The following LARP1 variants were observed in gnomAD, a reference collection of about 807,000 sequenced individuals.
LARP1 encodes La ribonucleoprotein 1, translational regulator, also known as la-related protein 1.
Under a neutral mutation model 122.7 loss-of-function variants are expected in LARP1, and 36 were observed. The observed-to-expected ratio is 0.29, with a 90% confidence interval of 0.22 to 0.39. The LOEUF (loss-of-function observed/expected upper bound fraction) is 0.39. Ranked by LOEUF, LARP1 falls within the 10% of genes least tolerant of loss-of-function variation. LARP1 has a pLI of 1.00. For missense variants in LARP1, 1,040 were observed against 1,403.6 expected, an observed-to-expected ratio of 0.74 and a Z score of 4.14; for synonymous variants, 539 against 528.7, an observed-to-expected ratio of 1.02 and a Z score of -0.27.
At chr5:154,682,990 C>T (rs1753764344) in exon 1 of LARP1, among the ~76,000 whole-genome samples, 3 of 152,358 alleles carry the variant, frequency 2.0e-5, no homozygotes, top group South Asian at 4.1e-4. Flanking sequence ...GAGGCTGAGT[C>T]ATCGCTGCTG....
chr5:154,713,282 C>T, intron 1 of LARP1: 1 of 630,942 alleles, frequency 1.6e-6, no homozygotes, highest in Non-Finnish European at 2.8e-6. Context: ...CCTCACATTC[C>T]CCATCTGGGA....
Position 154,805,923 on chromosome 5 carries a change from C to T in LARP1, c.2589C>T (p.Gly863=), listed in dbSNP as rs763936467. Residue 863 remains glycine (G), a synonymous_variant, in exon 15 of 19, where the codon GGC becomes GGT. Coordinates refer to ENST00000518297, the MANE Select transcript of LARP1 (RefSeq NM_033551.3). ...SEGTPTVGSY[G]CTPQSLPKFQ... The stretch of plus-strand genomic sequence containing the variant: ...GGACGCCTACAGTTGGCAGCTATGG[C>T]TGTACCCCTCAGTCATTGCCCAAGT... The T allele has an allele frequency of 6.2e-7, 1 of 1,614,220 alleles. No individual in the cohort carries two copies. Among genetic ancestry groups the T allele is most frequent in the Non-Finnish European group, 8.5e-7 (1 of 1,180,038 alleles).
At chr5:154,687,016 C>G (rs1753969238) in intron 1 of LARP1, among the ~76,000 whole-genome samples, 1 of 152,208 alleles carries the variant, frequency 6.6e-6, no homozygotes, top group Admixed American at 6.5e-5. Flanking sequence ...ACCGACCCCT[C>G]AGTCACAGCA....
chr5:154,774,774 A>G (rs553322178), intron 1 of LARP1, among the ~76,000 whole-genome samples: 1 of 152,264 alleles, frequency 6.6e-6, no homozygotes, highest in Non-Finnish European at 1.5e-5. Context: ...GACTTGAAGC[A>G]GGTCAGAATC....
Position 154,756,168 on chromosome 5 carries a change from C to A in LARP1, c.411C>A (p.Thr137=). 7.6e-7 allele frequency: 1 copy of A among 1,314,548 alleles called. No homozygotes were observed. Among genetic ancestry groups the A allele is most frequent in the Non-Finnish European group, 1.0e-6 (1 of 997,814 alleles). 81.4% of individuals were successfully genotyped at this position (1,314,548 alleles called of 1,614,324 possible). ...WTKNALPPVL[T]TVNGQSPPEH... The stretch of plus-strand genomic sequence containing the variant: ...AGAACGCATTGCCGCCGGTCCTGAC[C>A]ACCGTGAACGGACAGTCCCCCCCAG... Residue 137 remains threonine (T), a synonymous_variant, in exon 1 of 19, where the codon ACC becomes ACA. Coordinates refer to ENST00000518297, the MANE Select transcript of LARP1 (RefSeq NM_033551.3).
At chr5:154,770,841 G>A (rs754554097) in intron 1 of LARP1, among the ~76,000 whole-genome samples, 63 of 152,228 alleles carry the variant, frequency 4.1e-4, no homozygotes, top group Non-Finnish European at 5.3e-4. Flanking sequence ...GGCCGGGCAC[G>A]GTGGCTCATG....
At position 154,814,134 on chromosome 5, in the gene LARP1, G is replaced by T; in HGVS notation, c.*38G>T. 6.3e-7 allele frequency: 1 copy of T among 1,595,700 alleles called. No individual in the cohort carries two copies. ...CCCTGGGGCTTGAGGGGGGAAAGGG[G>T]TAGGGTGGGTAAGAGTCCATGGGGG... On this transcript the variant is annotated 3_prime_UTR_variant, in exon 19 of 19. Coordinates refer to ENST00000518297, the MANE Select transcript of LARP1 (RefSeq NM_033551.3).
At position 154,805,035 on chromosome 5, in the gene LARP1, C is replaced by T. The variant is rs551096771; in HGVS notation, c.2546+728C>T. ...TTACCAATAACATATAGTCAATTAG[C>T]ACATGTTTTGCATATTATATGTATT... On this transcript the variant is annotated intron_variant, in intron 14 of 18. Transcript: ENST00000518297. The T allele has an allele frequency of 7.6e-6, 3 of 393,880 alleles. No individual in the cohort carries two copies. In the East Asian group the frequency reaches 2.2e-4, roughly 28 times the overall value. The allele number at this position is 393,880 out of a possible 1,614,324, so 24.4% of individuals were successfully genotyped here.
chr5:154,804,160 A>T, intron 13 of LARP1, 41 bp from the exon 14 acceptor site: 1 of 1,433,904 alleles, frequency 7.0e-7, no homozygotes, highest in Non-Finnish European at 9.8e-7. Flanking sequence ...TCAGAGTTGT[A>T]GGAGTACAAA....
At chr5:154,713,205 C>T in intron 1 of LARP1, 1 of 1,303,734 alleles carries the variant, frequency 7.7e-7, no homozygotes, top group Non-Finnish European at 1.1e-6. Context: ...TCCCTAGGGG[C>T]AGAAACCTTG....
intron 1 of LARP1, among the ~76,000 whole-genome samples, chr5:154,759,575 C>T (rs998459233): frequency 6.6e-6 from 1 of 152,136 alleles, no homozygotes; most frequent in South Asian, 2.1e-4. Context: ...GGGAGTTGCA[C>T]GTGTGCTCTC....
chr5:154,723,992 C>T (rs1756045954), intron 1 of LARP1, among the ~76,000 whole-genome samples: 1 of 152,204 alleles, frequency 6.6e-6, no homozygotes, highest in Non-Finnish European at 1.5e-5. Flanking sequence ...TCCCCCAACC[C>T]TGCCTTCATG....
At chr5:154,744,677 G>A (rs1380110452) in intron 1 of LARP1, among the ~76,000 whole-genome samples, 3 of 82,756 alleles carry the variant, frequency 3.6e-5, no homozygotes, top group African/African-American at 6.1e-5. Flanking sequence ...TCGCTCTGTC[G>A]CCCAGGCTGG....
chr5:154,771,001 A>G (rs1358307211), intron 1 of LARP1, among the ~76,000 whole-genome samples: 1 of 151,434 alleles, frequency 6.6e-6, no homozygotes, highest in Non-Finnish European at 1.5e-5. Context: ...AATCCCAGCT[A>G]CTCGGGTGGC....
chr5:154,709,929 C>T (rs566389581), upstream of LARP1, among the ~76,000 whole-genome samples: 6 of 152,244 alleles, frequency 3.9e-5, no homozygotes, highest in East Asian at 3.9e-4. Flanking sequence ...GTGCTAGCAT[C>T]GTCACCTCAA....
At chr5:154,720,939 A>G (rs943605853) in intron 1 of LARP1, among the ~76,000 whole-genome samples, 23 of 152,102 alleles carry the variant, frequency 1.5e-4, no homozygotes, top group Admixed American at 1.4e-3. Flanking sequence ...AAACCATCCA[A>G]TCAGAGAGCC....
chr5:154,809,702 T>C (rs1759098529), intron 16 of LARP1, among the ~76,000 whole-genome samples: 1 of 147,296 alleles, frequency 6.8e-6, no homozygotes, highest in African/African-American at 2.5e-5. Flanking sequence ...ACTATTTCTT[T>C]TTTTTTTTTT....
At chr5:154,750,155 C>A (rs927031795) in intron 1 of LARP1, among the ~76,000 whole-genome samples, 1 of 152,250 alleles carries the variant, frequency 6.6e-6, no homozygotes, top group African/African-American at 2.4e-5. Context: ...AAGGAGCAAA[C>A]AAGCACATAA....
chr5:154,764,671 G>A (rs945960702), intron 1 of LARP1, among the ~76,000 whole-genome samples: 1 of 149,380 alleles, frequency 6.7e-6, no homozygotes, highest in Non-Finnish European at 1.5e-5. Flanking sequence ...TTGGGAGGCC[G>A]AGGCGGGAGG....
Sources: allele counts gnomAD v4.1 joint callset (sites outside exome capture counted in the v4.1 genomes callset), GRCh38; gene constraint gnomAD v4.1.1; transcripts MANE v1.5; gene names NCBI Gene and HGNC (gene_info 2026-07-23, HGNC 2026-07-21).